Variants in PDE10A observed in about 807,000 individuals in gnomAD.
PDE10A encodes cAMP and cAMP-inhibited cGMP 3',5'-cyclic phosphodiesterase 10A.
PDE10A carries 39 observed loss-of-function variants against 97.7 expected under a neutral mutation model. The observed-to-expected ratio is 0.40, with a 90% CI of 0.31 to 0.52. The LOEUF is 0.52. Ranked by LOEUF, PDE10A falls within the 20% of genes least tolerant of loss-of-function variation. The pLI is 0.56. For synonymous variants in PDE10A, 371 were observed against 376.8 expected (o/e 0.98, Z 0.18); for missense variants, 731 against 1,047.8 (o/e 0.70, Z 4.17).
chr6:165,730,799 A>C (rs1370049956), intron 1 of PDE10A, among the ~76,000 whole-genome samples: 1 of 148,838 alleles, frequency 6.7e-6, no homozygotes, highest in Non-Finnish European at 1.5e-5. Context: ...TAATCCCAGC[A>C]CTTTGGGAGG....
chr6:165,895,840 A>T (rs893506394), intron 1 of PDE10A, among the ~76,000 whole-genome samples: 18 of 152,008 alleles, frequency 1.2e-4, no homozygotes, highest in Non-Finnish European at 2.1e-4. Context: ...AATGGTGGAG[A>T]TGATGAATTG....
intron 1 of PDE10A, among the ~76,000 whole-genome samples, chr6:165,936,694 G>A (rs1271287565): frequency 3.3e-5 from 5 of 152,194 alleles, no homozygotes; most frequent in African/African-American, 1.2e-4. Context: ...CAGGAAGATG[G>A]TGATTCTTAA....
At chr6:165,799,119 C>A (rs1778910373) in intron 1 of PDE10A, among the ~76,000 whole-genome samples, 1 of 152,210 alleles carries the variant, frequency 6.6e-6, no homozygotes, top group Admixed American at 6.5e-5. Flanking sequence ...TAAATTCTGG[C>A]TAAGCAGCAA....
intron 1 of PDE10A, among the ~76,000 whole-genome samples, chr6:165,642,061 T>A (rs1357418676): frequency 1.3e-5 from 2 of 152,116 alleles, no homozygotes; most frequent in Non-Finnish European, 2.9e-5. Context: ...GGGTGTAACT[T>A]ACTGCTTTGA....
chr6:165,336,716 T>C (rs1583059885), intron 20 of PDE10A, among the ~76,000 whole-genome samples: 1 of 129,798 alleles, frequency 7.7e-6, no homozygotes, highest in Admixed American at 9.9e-5. Context: ...GCCACTGCAG[T>C]CCGCAGTCCG....
intron 1 of PDE10A, among the ~76,000 whole-genome samples, chr6:165,740,288 A>G (rs1792685014): frequency 1.3e-5 from 2 of 150,198 alleles, no homozygotes; most frequent in Non-Finnish European, 3.0e-5. Flanking sequence ...CACATATACA[A>G]TGGAATACAT....
At chr6:165,892,588 G>A (rs1481978070) in intron 1 of PDE10A, among the ~76,000 whole-genome samples, 1 of 152,196 alleles carries the variant, frequency 6.6e-6, no homozygotes, top group Non-Finnish European at 1.5e-5. Context: ...ACTTCCGGCT[G>A]TGTTGTCCCT....
At chr6:165,645,736 C>G (rs1207272382) in intron 1 of PDE10A, among the ~76,000 whole-genome samples, 2 of 151,286 alleles carry the variant, frequency 1.3e-5, no homozygotes, top group East Asian at 3.9e-4. Context: ...CACCTGTAAT[C>G]CCAGCTACTA....
At chr6:165,476,891 T>C (rs866096737) in intron 3 of PDE10A, among the ~76,000 whole-genome samples, 2 of 152,180 alleles carry the variant, frequency 1.3e-5, no homozygotes, top group Non-Finnish European at 2.9e-5. Flanking sequence ...TGGCTGGAAT[T>C]TGGCATTTTC....
At chr6:165,392,821 A>C in intron 15 of PDE10A, 25 bp from the exon 16 acceptor site, 1 of 1,610,128 alleles carries the variant, frequency 6.2e-7, no homozygotes, top group Non-Finnish European at 8.5e-7. Context: ...AATTGTTATG[A>C]CTGAAACCAG....
chr6:165,967,234 C>G (rs968113449), intron 1 of PDE10A, among the ~76,000 whole-genome samples: 2 of 152,194 alleles, frequency 1.3e-5, no homozygotes, highest in African/African-American at 4.8e-5. Flanking sequence ...CACAGTGGTT[C>G]ACGCCTGTAA....
intron 1 of PDE10A, among the ~76,000 whole-genome samples, chr6:165,935,677 G>T (rs917006434): frequency 7.9e-5 from 12 of 152,192 alleles, no homozygotes; most frequent in African/African-American, 2.9e-4. Context: ...AGTGTTGAGA[G>T]GCAGAATCTT....
chr6:165,606,047 C>T (rs540309993), intron 1 of PDE10A, among the ~76,000 whole-genome samples: 4 of 150,308 alleles, frequency 2.7e-5, no homozygotes, highest in African/African-American at 7.3e-5. Context: ...GCAGCAGGTG[C>T]GTGGGGATGT....
chr6:165,423,150 G>A (rs1314604655), intron 10 of PDE10A, among the ~76,000 whole-genome samples: 1 of 152,136 alleles, frequency 6.6e-6, no homozygotes, highest in African/African-American at 2.4e-5. Context: ...AACAGAGAAA[G>A]ACATATTCAT....
intron 18 of PDE10A, among the ~76,000 whole-genome samples, chr6:165,371,508 C>T (rs1784246346): frequency 6.6e-6 from 1 of 151,846 alleles, no homozygotes; most frequent in Admixed American, 6.6e-5. Flanking sequence ...GACACATACA[C>T]TCTCCCAAGA....
At chr6:165,948,968 C>T (rs575304083) in intron 1 of PDE10A, 5 of 152,310 alleles carry the variant, frequency 3.3e-5, no homozygotes, top group East Asian at 1.9e-4. Context: ...AGGAAGCCAT[C>T]GCATCTGTCT....
chr6:165,691,424 C>A (rs1269749707), intron 1 of PDE10A, among the ~76,000 whole-genome samples: 1 of 152,082 alleles, frequency 6.6e-6, no homozygotes, highest in East Asian at 1.9e-4. Flanking sequence ...CAGGCCATAC[C>A]ATAGACCCTG....
Position 165,327,418 on chromosome 6 carries a change from A to T in PDE10A, c.*5607T>A, listed in dbSNP as rs769650397. The T allele has an allele frequency of 1.3e-5, 2 of 152,222 alleles. No homozygotes were observed. Among genetic ancestry groups the T allele is most frequent in the African/African-American group, 4.8e-5 (2 of 41,472 alleles). The allele number at this position is 152,222 out of a possible 1,614,324, so 9.4% of individuals were successfully genotyped here. ...TGTATAATTACATATCAACAAAAGA[A>T]TTCTTGCTGCTTTAACCATGTAAGT... On this transcript the variant is annotated 3_prime_UTR_variant, in exon 22 of 22. Coordinates refer to ENST00000539869, the MANE Select transcript of PDE10A (RefSeq NM_001385079.1).
chr6:165,958,712 G>GAA (rs763802203), intron 1 of PDE10A, among the ~76,000 whole-genome samples: 38 of 115,724 alleles, frequency 3.3e-4, no homozygotes, highest in East Asian at 1.3e-3. Flanking sequence ...AAGAAAGAAA[G>GAA]AGAGAAGAAA....
Sources: gnomAD v4.1 joint callset for allele counts (sites outside exome capture counted in the v4.1 genomes callset) on GRCh38, gnomAD v4.1.1 for gene constraint, MANE v1.5 for transcripts, NCBI Gene and HGNC (gene_info 2026-07-23, HGNC 2026-07-21) for gene names.